NIPAL2: variants seen among roughly 807,000 people sequenced by gnomAD.
NIPAL2 encodes the protein NIPA-like protein 2.
In NIPAL2, 43 loss-of-function variants were observed where a neutral mutation model predicts 48.9. The ratio of observed to expected loss-of-function variants is 0.88; its 90% confidence interval spans 0.69 to 1.13. The LOEUF (loss-of-function observed/expected upper bound fraction) is 1.13, where lower values mean the gene tolerates loss of function less well. Among genes scored for constraint, NIPAL2 ranks in the 50% most tolerant of loss-of-function variants. NIPAL2 has a pLI of 0.00. For missense variants in NIPAL2, 446 were observed against 461.4 expected, an observed-to-expected ratio of 0.97 and a Z score of 0.31; for synonymous variants, 167 against 174.6, an observed-to-expected ratio of 0.96 and a Z score of 0.34.
intron 5 of NIPAL2, among the ~76,000 whole-genome samples, chr8:98,213,640 G>C (rs551081617): frequency 4.0e-5 from 6 of 151,854 alleles, no homozygotes; most frequent in Admixed American, 3.9e-4. Flanking sequence ...GCAATCTTCA[G>C]ATTGCTCCTG....
chr8:98,228,740 A>T (rs1233735817), intron 4 of NIPAL2, among the ~76,000 whole-genome samples: 1 of 152,044 alleles, frequency 6.6e-6, no homozygotes, highest in Non-Finnish European at 1.5e-5. Context: ...GTCCAAAATG[A>T]TGTCTCTGAT....
intron 4 of NIPAL2, among the ~76,000 whole-genome samples, chr8:98,226,071 T>A (rs965215626): frequency 3.9e-5 from 6 of 152,146 alleles, no homozygotes; most frequent in African/African-American, 1.4e-4. Context: ...TTTTGAATTA[T>A]TTCAATTTCT....
intron 4 of NIPAL2, among the ~76,000 whole-genome samples, chr8:98,230,314 G>T (rs911949150): frequency 3.3e-5 from 5 of 152,152 alleles, no homozygotes; most frequent in Non-Finnish European, 1.5e-5. Context: ...CTGGTCTCAG[G>T]TTATTTTTCT....
chr8:98,231,008 A>G lies in NIPAL2; in HGVS notation c.436+5147T>C, dbSNP rs546009478. Among the ~76,000 whole-genome samples, 10 of 152,310 alleles carry G rather than the reference A, an allele frequency of 6.6e-5. No individual in the cohort carries two copies. In the South Asian group the frequency reaches 2.1e-3, roughly 32 times the overall value. ...TTTCTTATTCAGCTAACCTGACTGC[A>G]AGGGAAAGATTGCAGTCTAATCCCT... On this transcript the variant is annotated intron_variant, in intron 4 of 10. Coordinates refer to ENST00000430223, the MANE Select transcript of NIPAL2 (RefSeq NM_001321635.2).
intron 1 of NIPAL2, among the ~76,000 whole-genome samples, chr8:98,268,409 T>C (rs1233279174): frequency 6.6e-6 from 1 of 151,878 alleles, no homozygotes; most frequent in Non-Finnish European, 1.5e-5. Flanking sequence ...TCACTTGAGG[T>C]CAGGGGTTCA....
rs755274014 is a variant in NIPAL2, at chr8:98,225,942, G to A, written c.437-3342C>T. Among the ~76,000 whole-genome samples the A allele has an allele frequency of 2.3e-4, 35 of 151,534 alleles. 1 individual carries two copies. The highest frequency in any genetic ancestry group is 4.9e-5 in the African/African-American group (2 of 41,214). ...TCTCCTCTGACTGTATTTTCAAATA[G>A]CCTGTTTTCAAGCTCGCTAATTCTT... On this transcript the variant is annotated intron_variant, in intron 4 of 10. Coordinates refer to ENST00000430223, the MANE Select transcript of NIPAL2 (RefSeq NM_001321635.2).
At chr8:98,275,612 T>A (rs1815413635) in intron 1 of NIPAL2, among the ~76,000 whole-genome samples, 1 of 152,246 alleles carries the variant, frequency 6.6e-6, no homozygotes, top group Non-Finnish European at 1.5e-5. Flanking sequence ...CTGGGATAAA[T>A]GCCCGAAAGT....
At chr8:98,282,146 C>T (rs1815867700) in intron 1 of NIPAL2, among the ~76,000 whole-genome samples, 1 of 152,188 alleles carries the variant, frequency 6.6e-6, no homozygotes, top group Non-Finnish European at 1.5e-5. Flanking sequence ...AGGGTGATAT[C>T]TCACCAGGGT....
intron 1 of NIPAL2, among the ~76,000 whole-genome samples, chr8:98,292,889 T>C (rs1417203822): frequency 6.6e-6 from 1 of 152,192 alleles, no homozygotes; most frequent in Non-Finnish European, 1.5e-5. Context: ...GAAATGGGGT[T>C]GGATTACAAA....
intron 1 of NIPAL2, among the ~76,000 whole-genome samples, chr8:98,275,492 T>G (rs1815407697): frequency 6.6e-6 from 1 of 152,214 alleles, no homozygotes. Context: ...GTTTGTTTAA[T>G]TATTCACTCA....
intron 1 of NIPAL2, among the ~76,000 whole-genome samples, chr8:98,269,181 C>T (rs569858276): frequency 7.2e-5 from 11 of 152,312 alleles, no homozygotes; most frequent in Admixed American, 2.0e-4. Flanking sequence ...GAATCAACTT[C>T]TTCCAAATTC....
In NIPAL2 at chr8:98,193,160, C is replaced by T. The variant is rs1003034394; in HGVS notation, c.1040-70G>A. The T allele has an allele frequency of 1.0e-5, 13 of 1,253,252 alleles. No homozygotes were observed. In the African/African-American group the frequency reaches 1.9e-4, roughly 19 times the overall value. 77.6% of individuals were successfully genotyped at this position (1,253,252 alleles called of 1,614,324 possible). ...AAAATAAGTCTTAATAATTTCTCCT[C>T]AATCTAGGCCACATTTTATCACCTC... is the stretch of plus-strand genomic sequence containing the variant. On this transcript the variant is annotated intron_variant, in intron 10 of 10. Coordinates refer to ENST00000430223, the MANE Select transcript of NIPAL2 (RefSeq NM_001321635.2).
At chr8:98,279,572 G>T (rs1815680090) in intron 1 of NIPAL2, among the ~76,000 whole-genome samples, 1 of 152,194 alleles carries the variant, frequency 6.6e-6, no homozygotes, top group Non-Finnish European at 1.5e-5. Context: ...GAGAAGGAAA[G>T]TGTCTTATGC....
At chr8:98,243,536 A>C (rs1161643819) in intron 3 of NIPAL2, among the ~76,000 whole-genome samples, 2 of 152,156 alleles carry the variant, frequency 1.3e-5, no homozygotes, top group East Asian at 1.9e-4. Context: ...GAAATCCTTC[A>C]GTTTATGAGA....
At chr8:98,270,487 A>G (rs951454330) in intron 1 of NIPAL2, among the ~76,000 whole-genome samples, 4 of 152,042 alleles carry the variant, frequency 2.6e-5, no homozygotes, top group African/African-American at 9.7e-5. Context: ...GTCTTTTGAG[A>G]AGTGTCTGTT....
intron 1 of NIPAL2, among the ~76,000 whole-genome samples, chr8:98,288,740 G>T (rs546748536): frequency 6.6e-6 from 1 of 152,072 alleles, no homozygotes; most frequent in African/African-American, 2.4e-5. Context: ...ATTCTAACTG[G>T]TGTGAGATGG....
intron 1 of NIPAL2, among the ~76,000 whole-genome samples, chr8:98,267,713 TATA>T (rs1353467921): frequency 3.3e-5 from 5 of 152,230 alleles, no homozygotes; most frequent in African/African-American, 1.2e-4. Context: ...GAGCTCACCT[TATA>T]ATATTTCCTT....
intron 6 of NIPAL2, among the ~76,000 whole-genome samples, chr8:98,206,649 A>G (rs945217240): frequency 6.6e-6 from 1 of 151,772 alleles, no homozygotes; most frequent in African/African-American, 2.4e-5. Flanking sequence ...TTAGCTGGGC[A>G]TGGTGGTGGA....
intron 1 of NIPAL2, among the ~76,000 whole-genome samples, chr8:98,281,986 T>A (rs1431319574): frequency 6.6e-6 from 1 of 152,222 alleles, no homozygotes; most frequent in Admixed American, 6.5e-5. Flanking sequence ...TCTCTCCATC[T>A]CAAGATCCTT....
Sources: gnomAD v4.1 joint callset for allele counts (sites outside exome capture counted in the v4.1 genomes callset) on GRCh38, gnomAD v4.1.1 for gene constraint, MANE v1.5 for transcripts, NCBI Gene and HGNC (gene_info 2026-07-23, HGNC 2026-07-21) for gene names.